TSC2: variants seen among roughly 807,000 people sequenced by gnomAD.
TSC2 encodes tuberin.
Under a neutral mutation model 202.2 loss-of-function variants are expected in TSC2, and 29 were observed. The ratio of observed to expected loss-of-function variants is 0.14; its 90% CI spans 0.11 to 0.20. TSC2 has a LOEUF of 0.20. Ranked by LOEUF, TSC2 falls within the 10% of genes least tolerant of loss-of-function variation. The pLI, the probability that TSC2 is intolerant of heterozygous loss-of-function variation, is 1.00. For synonymous variants in TSC2, 1,349 were observed against 1,044.0 expected (o/e 1.29, Z -5.63); for missense variants, 2,429 against 2,420.0 (o/e 1.00, Z -0.08).
chr16:2,073,020 G>T, intron 21 of TSC2, 37 bp downstream of exon 21: 1 of 1,612,628 alleles, frequency 6.2e-7, no homozygotes, highest in Non-Finnish European at 8.5e-7. Flanking sequence ...GCTTGATGGG[G>T]CCTGGGATTC....
intron 2 of TSC2, among the ~76,000 whole-genome samples, chr16:2,049,080 G>C (rs1186573206): frequency 6.6e-6 from 1 of 151,224 alleles, no homozygotes; most frequent in Non-Finnish European, 1.5e-5. Flanking sequence ...GGGAGAAGTA[G>C]GTTCTTTATT....
intron 15 of TSC2, 174 bp downstream of exon 15, chr16:2,064,601 G>T (rs950469693): frequency 2.1e-6 from 2 of 946,184 alleles, no homozygotes; most frequent in African/African-American, 1.6e-5. Context: ...TGCCACTGCT[G>T]GATTTGTGTC....
In TSC2 at chr16:2,088,690, C is replaced by T; in HGVS notation, c.*80C>T. ...TAAATAAAGTCCTGACCCCAGTGCACAGACATAGAGGCACAGATTGCAGTC... is the reference window on the plus strand; with the variant it reads ...TAAATAAAGTCCTGACCCCAGTGCATAGACATAGAGGCACAGATTGCAGTC... On this transcript the variant is annotated 3_prime_UTR_variant, in exon 42 of 42. Coordinates refer to ENST00000219476, the MANE Select transcript of TSC2 (RefSeq NM_000548.5). The T allele has an allele frequency of 1.3e-6, 2 of 1,509,680 alleles. No individual in the cohort carries two copies. Among genetic ancestry groups the T allele is most frequent in the Non-Finnish European group, 1.8e-6 (2 of 1,123,408 alleles). 93.5% of individuals were successfully genotyped at this position (1,509,680 alleles called of 1,614,324 possible). A position where few individuals can be genotyped will look rare whatever the true frequency, so the allele number is the denominator to read the frequency against.
At position 2,084,328 on chromosome 16, in the gene TSC2, G is replaced by A. The variant is rs587778738; in HGVS notation, c.4106G>A (p.Arg1369Gln). The change falls in exon 34 of 42, where the codon CGG becomes CAG. Residue 1369 changes from arginine (R) to glutamine (Q), a missense_variant. Transcript: ENST00000219476. ...CGAGTCGTCTCCTCGGAGGGTGGCC[G>A]GCCCTCTGTGGACCTCTCCTTCCAG... ...IERVVSSEGG[R>Q]PSVDLSFQPS... 11 of 1,612,718 alleles carry A rather than the reference G, an allele frequency of 6.8e-6. No individual in the cohort carries two copies. The highest frequency in any genetic ancestry group is 6.7e-5 in the Admixed American group (4 of 60,012).
At chr16:2,071,643 T>C in intron 18 of TSC2, 27 bp downstream of exon 18, 5 of 1,612,272 alleles carry the variant, frequency 3.1e-6, no homozygotes, top group Non-Finnish European at 3.4e-6. Flanking sequence ...CCACGGCCCA[T>C]GAGGCTCAGG....
At chr16:2,081,902 G>C in intron 31 of TSC2, 104 bp downstream of exon 31, 1 of 1,470,292 alleles carries the variant, frequency 6.8e-7, no homozygotes, top group South Asian at 1.2e-5. Flanking sequence ...CACACGGCTG[G>C]GAGTGGTCCC....
At position 2,055,505 on chromosome 16, in the gene TSC2, C is replaced by G. The variant is rs397515309; in HGVS notation, c.585C>G (p.Ile195Met). The G allele has an allele frequency of 1.2e-6, 2 of 1,613,808 alleles. No individual in the cohort carries two copies. Among genetic ancestry groups the G allele is most frequent in the Non-Finnish European group, 8.5e-7 (1 of 1,179,714 alleles). The change falls in exon 6 of 42, where the codon ATC becomes ATG. Residue 195 changes from isoleucine to methionine, a missense_variant. By Grantham distance (10) the Ile-to-Met change is conservative (BLOSUM62 1). Transcript: ENST00000219476. ...ATAGCTGTTACCTCGACGAGTACAT[C>G]GCAAGGATGGTTCAGTAAGAAAAGA... ...KFNSCYLDEY[I>M]ARMVQMICLL...
intron 15 of TSC2, 175 bp downstream of exon 15, chr16:2,064,602 G>C (rs1378033462): frequency 1.1e-6 from 1 of 941,884 alleles, no homozygotes; most frequent in African/African-American, 1.6e-5. Context: ...GCCACTGCTG[G>C]ATTTGTGTCC....
At chr16:2,071,097 A>G (rs1401500204) in intron 17 of TSC2, among the ~76,000 whole-genome samples, 1 of 152,200 alleles carries the variant, frequency 6.6e-6, no homozygotes, top group Non-Finnish European at 1.5e-5. Context: ...CCTCCCTCCT[A>G]GAGCAGGTGC....
rs1463448328 is a variant in TSC2, at chr16:2,087,905, T to C, written c.5032T>C (p.Tyr1678His). Reference sequence around the variant, plus strand: ...CCACGTGATCGTCACCCCGCTGGACTACGAGTGCAACCTGGTGTCCCTGCA... The same window carrying C: ...CCACGTGATCGTCACCCCGCTGGACCACGAGTGCAACCTGGTGTCCCTGCA... ...FVHVIVTPLD[Y>H]ECNLVSLQCR... The change falls in exon 39 of 42, where the codon TAC becomes CAC. Residue 1678 changes from tyrosine (Y) to histidine (H), a missense_variant. By Grantham distance (83) the Tyr-to-His change is moderately conservative (BLOSUM62 2). Coordinates refer to ENST00000219476, the MANE Select transcript of TSC2 (RefSeq NM_000548.5). 1 of 1,611,642 alleles carries C rather than the reference T, an allele frequency of 6.2e-7. No individual in the cohort carries two copies. The highest frequency in any genetic ancestry group is 2.2e-5 in the East Asian group (1 of 44,558).
intron 11 of TSC2, chr16:2,061,100 G>A (rs2086583159): frequency 8.6e-6 from 4 of 465,878 alleles, no homozygotes; most frequent in East Asian, 4.1e-5. Flanking sequence ...GGCCGCCTTC[G>A]TGGCCTGAGT....
intron 26 of TSC2, chr16:2,078,603 C>A: frequency 3.6e-6 from 1 of 277,480 alleles, no homozygotes; most frequent in Non-Finnish European, 7.0e-6. Flanking sequence ...GCTCGCCTGC[C>A]TGAGGGTGAC....
chr16:2,084,116 G>A, intron 33 of TSC2, 112 bp from the exon 34 acceptor site: 1 of 1,534,250 alleles, frequency 6.5e-7, no homozygotes. Flanking sequence ...GCTCGGGCTG[G>A]TCTGTGGCCC....
intron 4 of TSC2, chr16:2,053,662 A>T (rs1013890458): frequency 1.5e-6 from 1 of 679,284 alleles, no homozygotes. Context: ...CTGTAAACAG[A>T]TGGTCACTGC....
At chr16:2,060,587 C>T in intron 10 of TSC2, 83 bp from the exon 11 acceptor site, 1 of 1,608,744 alleles carries the variant, frequency 6.2e-7, no homozygotes, top group South Asian at 1.1e-5. Flanking sequence ...GCGTGCTACT[C>T]TCGGTCCCAA....
chr16:2,062,716 T>A, intron 13 of TSC2, 116 bp downstream of exon 13: 1 of 1,166,018 alleles, frequency 8.6e-7, no homozygotes, highest in Non-Finnish European at 1.2e-6. Context: ...CCTCTGCCTC[T>A]GGAGAGCCCT....
Position 2,088,854 on chromosome 16 carries a change from A to G in TSC2, c.*244A>G. On this transcript the variant is annotated 3_prime_UTR_variant, in exon 42 of 42. Coordinates refer to ENST00000219476, the MANE Select transcript of TSC2 (RefSeq NM_000548.5). ...CGAGGGCCTTGAGGCTGCCTGGGCC[A>G]TACAGCACACTCGCGCGTGCGCGCG... 1.7e-6 allele frequency: 1 copy of G among 574,612 alleles called. No homozygotes were observed. Among genetic ancestry groups the G allele is most frequent in the Non-Finnish European group, 3.1e-6 (1 of 323,648 alleles). The allele number at this position is 574,612 out of a possible 1,614,324, so 35.6% of individuals were successfully genotyped here. A position where few individuals can be genotyped will look rare whatever the true frequency, so the allele number is the denominator to read the frequency against.
Position 2,088,747 on chromosome 16 carries a change from G to A in TSC2, c.*137G>A. 1.6e-6 allele frequency: 2 copies of A among 1,262,094 alleles called. No individual in the cohort carries two copies. The highest frequency in any genetic ancestry group is 2.2e-6 in the Non-Finnish European group (2 of 921,336). 78.2% of individuals were successfully genotyped at this position (1,262,094 alleles called of 1,614,324 possible). On this transcript the variant is annotated 3_prime_UTR_variant, in exon 42 of 42. Transcript: ENST00000219476. ...CTCTTTTATTGACTTTGTCTGCTTGGTGCGGGGGTTGGGGGGGTGTCGAGG... is the reference window on the plus strand; with the variant it reads ...CTCTTTTATTGACTTTGTCTGCTTGATGCGGGGGTTGGGGGGGTGTCGAGG...
chr16:2,088,170 G>GTGGGACAGGCCCAGGTGCCACCTGA, intron 40 of TSC2, 31 bp downstream of exon 40: 1 of 1,613,024 alleles, frequency 6.2e-7, no homozygotes, highest in Non-Finnish European at 8.5e-7. Flanking sequence ...GCGTGAGCTG[G>GTGGGACAGGCCCAGGTGCCACCTGA]TGGGACAGGC....
Sources: gnomAD v4.1 joint callset for allele counts (sites outside exome capture counted in the v4.1 genomes callset) on GRCh38, gnomAD v4.1.1 for gene constraint, MANE v1.5 for transcripts, NCBI Gene and HGNC (gene_info 2026-07-23, HGNC 2026-07-21) for gene names.